ITPR1: variants seen among roughly 807,000 people sequenced by gnomAD.
ITPR1 encodes the protein inositol 1,4,5-trisphosphate-gated calcium channel ITPR1.
A neutral mutation model predicts 318.4 loss-of-function variants in ITPR1; 96 were observed. The observed-to-expected ratio is 0.30, with a 90% CI of 0.26 to 0.36. The LOEUF (loss-of-function observed/expected upper bound fraction) is 0.36. Ranked by LOEUF, ITPR1 falls within the 10% of genes least tolerant of loss-of-function variation. The probability of loss-of-function intolerance (pLI) is 1.00; values close to 1 mark genes in which losing one functional copy is unlikely to be tolerated. For synonymous variants in ITPR1, 1,312 were observed against 1,289.9 expected (o/e 1.02, Z -0.37); for missense variants, 2,440 against 3,460.2 (o/e 0.71, Z 7.40).
intron 44 of ITPR1, among the ~76,000 whole-genome samples, chr3:4,745,648 T>A (rs1053841831): frequency 6.6e-6 from 1 of 152,186 alleles, no homozygotes; most frequent in African/African-American, 2.4e-5. Context: ...CCTTGGGTAA[T>A]CTCATCTACT....
At chr3:4,537,631 T>C (rs539231553) in intron 4 of ITPR1, among the ~76,000 whole-genome samples, 1 of 152,246 alleles carries the variant, frequency 6.6e-6, no homozygotes, top group African/African-American at 2.4e-5. Flanking sequence ...AGCAGGAGGA[T>C]TCGAGTTAAT....
intron 60 of ITPR1, among the ~76,000 whole-genome samples, chr3:4,830,100 G>A (rs80050514): frequency 6.6e-6 from 1 of 151,086 alleles, no homozygotes; most frequent in Non-Finnish European, 1.5e-5. Flanking sequence ...CAGCCTCCTG[G>A]GTAGCTGGGA....
At chr3:4,568,182 G>A (rs934716657) in intron 4 of ITPR1, among the ~76,000 whole-genome samples, 3 of 152,162 alleles carry the variant, frequency 2.0e-5, no homozygotes, top group Admixed American at 6.5e-5. Context: ...AAACTTTCTG[G>A]TAGCTAGTGA....
At chr3:4,624,392 G>A (rs186640388) in intron 4 of ITPR1, among the ~76,000 whole-genome samples, 2 of 152,290 alleles carry the variant, frequency 1.3e-5, no homozygotes, top group African/African-American at 2.4e-5. Context: ...TAAACAGTAA[G>A]GTGCAGTGTC....
In ITPR1 at chr3:4,801,658, G is replaced by A. The variant is rs1186771787; in HGVS notation, c.7107+1058G>A. Among the ~76,000 whole-genome samples the A allele has an allele frequency of 2.6e-5, 4 of 152,236 alleles. No individual in the cohort carries two copies. The East Asian group carries it at 7.7e-4, about 29-fold the overall frequency. Reference sequence around the variant, plus strand: ...ATGCGCCTATAATCCTAGCTACTCGGGAGACTGAGGCAGGAGAATCACTTG... The same window carrying A: ...ATGCGCCTATAATCCTAGCTACTCGAGAGACTGAGGCAGGAGAATCACTTG... On this transcript the variant is annotated intron_variant, in intron 54 of 61. Transcript: ENST00000649015.
At chr3:4,753,149 C>T (rs1451940816) in intron 44 of ITPR1, among the ~76,000 whole-genome samples, 12 of 152,164 alleles carry the variant, frequency 7.9e-5, no homozygotes, top group African/African-American at 2.9e-4. Context: ...GTTGGAGGAG[C>T]TGAGTGAAGG....
At chr3:4,742,659 A>G (rs1274811284) in intron 44 of ITPR1, among the ~76,000 whole-genome samples, 2 of 152,046 alleles carry the variant, frequency 1.3e-5, no homozygotes, top group South Asian at 2.1e-4. Flanking sequence ...GGGTCTTGCT[A>G]TGTTGCTGAG....
chr3:4,674,265 T>C lies in ITPR1; in HGVS notation c.2520T>C (p.Phe840=). The C allele has an allele frequency of 6.3e-7, 1 of 1,585,268 alleles. No homozygotes were observed. The stretch of plus-strand genomic sequence containing the variant: ...AGAGATTTGCTCAGACCATGGAGTT[T>C]GTGGAGGAGTATTTAAGAGATGTGG... ...IKERFAQTME[F]VEEYLRDVVC... The change falls in exon 22 of 62, where the codon TTT becomes TTC. Residue 840 remains phenylalanine, a synonymous_variant. Coordinates refer to ENST00000649015, the MANE Select transcript of ITPR1 (RefSeq NM_001378452.1).
In ITPR1 at chr3:4,847,472, A is replaced by AAAAT. The variant is rs2051873266; in HGVS notation, c.*1249_*1252dup. ...AGTAAAGTTTGTAAATGCATATATAAAAATATTTAATAAATGATGCAGAAT... is the reference window on the plus strand; with the variant it reads ...AGTAAAGTTTGTAAATGCATATATAAAAATAAATATTTAATAAATGATGCAGAAT... On this transcript the variant is annotated 3_prime_UTR_variant, in exon 62 of 62. Transcript: ENST00000649015. 1 of 152,142 alleles carries AAAAT rather than the reference A, an allele frequency of 6.6e-6. No homozygotes were observed. The highest frequency in any genetic ancestry group is 2.4e-5 in the African/African-American group (1 of 41,460). 9.4% of individuals were successfully genotyped at this position (152,142 alleles called of 1,614,324 possible).
Position 4,730,227 on chromosome 3 carries a change from AAAAC to A in ITPR1, c.5221-2857_5221-2854del, listed in dbSNP as rs1054599522. ...ATGAATCTCATCTTTAAAAAAAAAA[AAAAC>A]AAAAAAAAACCTTGCTCTCTGGTTT... On this transcript the variant is annotated intron_variant, in intron 42 of 61. Coordinates refer to ENST00000649015, the MANE Select transcript of ITPR1 (RefSeq NM_001378452.1). Among the ~76,000 whole-genome samples the A allele has an allele frequency of 1.6e-4, 23 of 147,922 alleles. No individual in the cohort carries two copies. The East Asian group carries it at 2.9e-3, about 19-fold the overall frequency.
intron 33 of ITPR1, among the ~76,000 whole-genome samples, chr3:4,694,073 T>A (rs1174550349): frequency 6.6e-6 from 1 of 152,118 alleles, no homozygotes; most frequent in Admixed American, 6.5e-5. Flanking sequence ...TAGGTTGAGA[T>A]CTAGTCCATA....
At chr3:4,727,737 T>A (rs1251623803) in intron 42 of ITPR1, among the ~76,000 whole-genome samples, 1 of 152,062 alleles carries the variant, frequency 6.6e-6, no homozygotes, top group Non-Finnish European at 1.5e-5. Context: ...CCGGCTAGTT[T>A]TCTTTTATTT....
chr3:4,522,923 A>G (rs1365460611), intron 4 of ITPR1, among the ~76,000 whole-genome samples: 4 of 152,218 alleles, frequency 2.6e-5, no homozygotes, highest in Non-Finnish European at 5.9e-5. Context: ...TTGGCTGCAC[A>G]GGGAGATCAC....
chr3:4,804,816 G>A (rs1185994293), intron 54 of ITPR1, among the ~76,000 whole-genome samples: 1 of 152,140 alleles, frequency 6.6e-6, no homozygotes, highest in Non-Finnish European at 1.5e-5. Flanking sequence ...CGATCTGTGG[G>A]TGTCGGCTTC....
At chr3:4,769,990 C>G (rs968866484) in intron 46 of ITPR1, among the ~76,000 whole-genome samples, 3 of 152,186 alleles carry the variant, frequency 2.0e-5, no homozygotes, top group Admixed American at 2.0e-4. Context: ...GAAACCACCC[C>G]CTTTTTGCCT....
At chr3:4,706,411 A>G (rs2094758388) in intron 37 of ITPR1, 60 bp downstream of exon 37, 2 of 1,446,786 alleles carry the variant, frequency 1.4e-6, no homozygotes, top group African/African-American at 2.8e-5. Flanking sequence ...TGCCACACAC[A>G]GCAGTGCATC....
chr3:4,665,646 C>T (rs1226770280), intron 17 of ITPR1, among the ~76,000 whole-genome samples: 1 of 152,038 alleles, frequency 6.6e-6, no homozygotes, highest in Non-Finnish European at 1.5e-5. Context: ...TCTTCCTGCA[C>T]CTTTAAAATT....
At chr3:4,595,897 G>A (rs368117700) in intron 4 of ITPR1, among the ~76,000 whole-genome samples, 12 of 152,202 alleles carry the variant, frequency 7.9e-5, no homozygotes, top group South Asian at 2.1e-4. Context: ...CTCTCATGTC[G>A]TAGATGAAGA....
At chr3:4,758,008 A>G (rs2045140061) in intron 44 of ITPR1, among the ~76,000 whole-genome samples, 1 of 152,206 alleles carries the variant, frequency 6.6e-6, no homozygotes, top group Non-Finnish European at 1.5e-5. Flanking sequence ...AGAAAAATCA[A>G]AGATGCCCAC....
Sources: gnomAD v4.1 joint callset for allele counts (sites outside exome capture counted in the v4.1 genomes callset) on GRCh38, gnomAD v4.1.1 for gene constraint, MANE v1.5 for transcripts, NCBI Gene and HGNC (gene_info 2026-07-23, HGNC 2026-07-21) for gene names.